PLCG2: variants seen among roughly 807,000 people sequenced by gnomAD.
The protein encoded by PLCG2 is phospholipase C gamma 2, also known as 1-phosphatidylinositol 4,5-bisphosphate phosphodiesterase gamma-2.
PLCG2 carries 69 observed loss-of-function variants against 175.6 expected under a neutral mutation model. The observed-to-expected ratio is 0.39, with a 90% CI of 0.32 to 0.48. The LOEUF is 0.48. Among genes scored for constraint, PLCG2 ranks in the 20% least tolerant of loss-of-function variants. The pLI is 0.91. For synonymous variants in PLCG2, 827 were observed against 624.0 expected (o/e 1.33, Z -4.85); for missense variants, 1,798 against 1,650.9 (o/e 1.09, Z -1.54).
intron 2 of PLCG2, chr16:81,767,606 AT>A (rs1315428941): frequency 1.3e-5 from 2 of 152,074 alleles, no homozygotes; most frequent in Non-Finnish European, 2.9e-5. Flanking sequence ...TATTATTTGC[AT>A]TCAGCAAAAT....
intron 5 of PLCG2, among the ~76,000 whole-genome samples, chr16:81,862,249 G>A (rs946199259): frequency 3.9e-5 from 6 of 152,252 alleles, no homozygotes; most frequent in Admixed American, 2.0e-4. Flanking sequence ...CCCAGCCCGG[G>A]CAATGGACAA....
chr16:81,742,044 C>G (rs1909606087), intron 1 of PLCG2, among the ~76,000 whole-genome samples: 1 of 151,950 alleles, frequency 6.6e-6, no homozygotes, highest in African/African-American at 2.4e-5. Context: ...TCCCTCCTCC[C>G]CTTCCCAGCC....
chr16:81,840,552 A>G (rs1367465736), intron 2 of PLCG2, among the ~76,000 whole-genome samples: 2 of 152,236 alleles, frequency 1.3e-5, no homozygotes, highest in Non-Finnish European at 2.9e-5. Flanking sequence ...GATGGGAGAC[A>G]GTGACAGATC....
intron 19 of PLCG2, among the ~76,000 whole-genome samples, chr16:81,914,501 T>A (rs1297361091): frequency 6.6e-6 from 1 of 152,192 alleles, no homozygotes; most frequent in South Asian, 2.1e-4. Context: ...ATTGCCTGAC[T>A]TACATACACG....
At chr16:81,951,588 A>G (rs533826442) in intron 31 of PLCG2, among the ~76,000 whole-genome samples, 32 of 152,354 alleles carry the variant, frequency 2.1e-4, no homozygotes, top group Non-Finnish European at 1.5e-4. Context: ...TACAACTTTC[A>G]TATCAAAACT....
chr16:81,923,131 A>T (rs1167142947), intron 21 of PLCG2, among the ~76,000 whole-genome samples: 1 of 152,076 alleles, frequency 6.6e-6, no homozygotes, highest in African/African-American at 2.4e-5. Flanking sequence ...TTTGTTGAGG[A>T]AATTGAGCAA....
At chr16:81,778,892 C>T (rs968150264), upstream of PLCG2, among the ~76,000 whole-genome samples, 1 of 152,238 alleles carries the variant, frequency 6.6e-6, no homozygotes, top group Non-Finnish European at 1.5e-5. Context: ...AACTCTCGAG[C>T]TCAGACGATC....
intron 2 of PLCG2, among the ~76,000 whole-genome samples, chr16:81,810,061 A>C (rs888568092): frequency 1.3e-5 from 2 of 151,314 alleles, no homozygotes; most frequent in African/African-American, 2.4e-5. Flanking sequence ...GCGTGATCTC[A>C]GCTCACTGCA....
At chr16:81,950,385 A>T (rs1911318460) in intron 31 of PLCG2, among the ~76,000 whole-genome samples, 1 of 152,246 alleles carries the variant, frequency 6.6e-6, no homozygotes, top group Non-Finnish European at 1.5e-5. Context: ...TATAAAAGTC[A>T]TTAGCAAATA....
intron 2 of PLCG2, among the ~76,000 whole-genome samples, chr16:81,758,115 A>G (rs1041418966): frequency 6.6e-6 from 1 of 152,096 alleles, no homozygotes; most frequent in Non-Finnish European, 1.5e-5. Flanking sequence ...AACTGGGACC[A>G]CAGGCGCTCG....
intron 2 of PLCG2, among the ~76,000 whole-genome samples, chr16:81,799,678 C>T (rs914440577): frequency 7.9e-5 from 12 of 151,580 alleles, no homozygotes; most frequent in Non-Finnish European, 1.3e-4. Flanking sequence ...CTGCAAGCTC[C>T]GCCTCCCAGG....
chr16:81,742,181 T>C (rs1909610866), intron 1 of PLCG2, among the ~76,000 whole-genome samples: 1 of 148,402 alleles, frequency 6.7e-6, no homozygotes, highest in African/African-American at 2.6e-5. Flanking sequence ...TTGGCTAAAA[T>C]TGAAAAGGTA....
chr16:81,939,992 A>G lies in PLCG2; in HGVS notation c.3414A>G (p.Glu1138=), dbSNP rs61755443. 5,392 of 1,614,138 alleles carry G rather than the reference A, an allele frequency of 3.3e-3. 14 individuals carry two copies. The highest frequency in any genetic ancestry group is 4.2e-3 in the Non-Finnish European group (4,936 of 1,179,950). The change falls in exon 30 of 33, where the codon GAA becomes GAG. Residue 1138 remains glutamate (E), a synonymous_variant. Transcript: ENST00000564138. ...NLAFLRFVVY[E]EDMFSDPNFL... The stretch of plus-strand genomic sequence containing the variant: ...CATTTCTGCGCTTTGTGGTTTATGA[A>G]GAAGATATGTTCAGCGATCCCAACT...
chr16:81,772,914 G>A (rs1373675655), intron 2 of PLCG2, among the ~76,000 whole-genome samples: 1 of 152,226 alleles, frequency 6.6e-6, no homozygotes, highest in Non-Finnish European at 1.5e-5. Context: ...TGTGCCAGCT[G>A]CCTGGTGCAG....
intron 9 of PLCG2, among the ~76,000 whole-genome samples, chr16:81,886,250 A>G (rs545412590): frequency 1.3e-5 from 2 of 152,304 alleles, no homozygotes; most frequent in Middle Eastern, 3.4e-3. Flanking sequence ...GGCTGCCCTT[A>G]GAGATCAGGG....
In PLCG2 at chr16:81,883,326, C is replaced by G. The variant is rs1324751076; in HGVS notation, c.750C>G (p.Leu250=). Residue 250 remains leucine, a synonymous_variant, in exon 9 of 33, where the codon CTC becomes CTG. Coordinates refer to ENST00000564138, the MANE Select transcript of PLCG2 (RefSeq NM_002661.5). ...AVYLHDFQRF[L]IHEQQEHWAQ... ...ACCTGCATGACTTCCAGAGGTTTCT[C>G]ATACATGAACAGCAGGTGAGAGCAC... 1.2e-6 allele frequency: 2 copies of G among 1,613,940 alleles called. No individual in the cohort carries two copies. Among genetic ancestry groups the G allele is most frequent in the Non-Finnish European group, 1.7e-6 (2 of 1,179,886 alleles).
chr16:81,794,759 A>T (rs764448013), intron 2 of PLCG2, among the ~76,000 whole-genome samples: 4 of 152,238 alleles, frequency 2.6e-5, no homozygotes, highest in African/African-American at 4.8e-5. Flanking sequence ...TGTCATCATT[A>T]TCATCATCCA....
chr16:81,742,891 C>A, intron 1 of PLCG2, among the ~76,000 whole-genome samples: 1 of 152,204 alleles, frequency 6.6e-6, no homozygotes, highest in East Asian at 1.9e-4. Context: ...TTCTTCCAGA[C>A]GTGTGAAGAG....
chr16:81,762,369 GA>G, intron 2 of PLCG2, among the ~76,000 whole-genome samples: 1 of 152,076 alleles, frequency 6.6e-6, no homozygotes, highest in Non-Finnish European at 1.5e-5. Flanking sequence ...AGGAGTTCAA[GA>G]CCAGCCTGGC....
Sources: allele counts gnomAD v4.1 joint callset (sites outside exome capture counted in the v4.1 genomes callset), GRCh38; gene constraint gnomAD v4.1.1; transcripts MANE v1.5; gene names NCBI Gene and HGNC (gene_info 2026-07-23, HGNC 2026-07-21).